CHIC1: variants seen among roughly 807,000 people sequenced by gnomAD.
CHIC1 encodes cysteine-rich hydrophobic domain-containing protein 1.
CHIC1 carries 7 observed loss-of-function variants against 18.5 expected under a neutral mutation model. That is an observed-to-expected ratio of 0.38 (90% CI 0.22 to 0.71). The LOEUF (loss-of-function observed/expected upper bound fraction) is 0.71. Ranked by LOEUF, CHIC1 falls within the 30% of genes least tolerant of loss-of-function variation. The pLI, the probability that CHIC1 is intolerant of heterozygous loss-of-function variation, is 0.49. For missense variants in CHIC1, 159 were observed against 176.9 expected (o/e 0.90, Z 0.57); for synonymous variants, 77 against 73.5 (o/e 1.05, Z -0.25).
intron 3 of CHIC1, among the ~76,000 whole-genome samples, chrX:73,644,829 G>T (rs1167267562): frequency 1.8e-5 from 2 of 111,332 alleles, no homozygotes; most frequent in Non-Finnish European, 3.8e-5. Flanking sequence ...GAAAAGCGCA[G>T]TATTAGGGTG....
At chrX:73,632,526 T>G (rs2057811803) in intron 3 of CHIC1, among the ~76,000 whole-genome samples, 1 of 111,436 alleles carries the variant, frequency 9.0e-6, no homozygotes, top group Non-Finnish European at 1.9e-5. Context: ...CTTCCTCTTT[T>G]GCTGTCCTCC....
At chrX:73,654,010 T>A (rs1294047597) in intron 3 of CHIC1, among the ~76,000 whole-genome samples, 1 of 112,307 alleles carries the variant, frequency 8.9e-6, no homozygotes, top group Non-Finnish European at 1.9e-5. Context: ...AGTTCTTTCT[T>A]CCTTTGTTGC....
intron 3 of CHIC1, among the ~76,000 whole-genome samples, chrX:73,627,137 C>CAAAAA (rs759306668): frequency 3.5e-5 from 2 of 56,979 alleles, no homozygotes; most frequent in African/African-American, 5.8e-5. Flanking sequence ...TAAGTTCTCC[C>CAAAAA]AAAAAAAAAA....
At chrX:73,648,916 A>G (rs1382082166) in intron 3 of CHIC1, among the ~76,000 whole-genome samples, 1 of 111,726 alleles carries the variant, frequency 9.0e-6, no homozygotes, top group Non-Finnish European at 1.9e-5. Context: ...TCCAAGGTCA[A>G]AATGAAGGAA....
At chrX:73,632,213 A>G (rs1055804469) in intron 3 of CHIC1, among the ~76,000 whole-genome samples, 9 of 112,103 alleles carry the variant, frequency 8.0e-5, no homozygotes, top group Non-Finnish European at 1.7e-4. Context: ...TGATAAATTG[A>G]CCACTTTATT....
At chrX:73,594,413 G>T (rs769360846) in intron 3 of CHIC1, among the ~76,000 whole-genome samples, 35 of 111,332 alleles carry the variant, frequency 3.1e-4, no homozygotes, top group African/African-American at 1.1e-3. Context: ...CAGGTGATCC[G>T]CCTGCTTTCT....
intron 3 of CHIC1, among the ~76,000 whole-genome samples, chrX:73,599,637 A>G (rs1482583787): frequency 9.8e-6 from 1 of 102,164 alleles, no homozygotes; most frequent in Non-Finnish European, 1.9e-5. Flanking sequence ...AAGATCAGAT[A>G]GTTGTAGATA....
At position 73,686,798 on chromosome X, in the gene CHIC1, T is replaced by G. The variant is rs1326816068; in HGVS notation, c.*5793T>G. ...TGGTGGAGAAGCCTAGGATTTCAAC[T>G]TTTTGTCAGAGGATTCCTGTTGGGA... On this transcript the variant is annotated 3_prime_UTR_variant, in exon 6 of 6. Coordinates refer to ENST00000373502, the MANE Select transcript of CHIC1 (RefSeq NM_001039840.4). 9.0e-6 allele frequency: 1 copy of G among 111,583 alleles called. No homozygotes were observed. Among genetic ancestry groups the G allele is most frequent in the Non-Finnish European group, 1.9e-5 (1 of 52,931 alleles). 9.2% of individuals were successfully genotyped at this position (111,583 alleles called of 1,213,427 possible). A position where few individuals can be genotyped will look rare whatever the true frequency, so the allele number is the denominator to read the frequency against.
At chrX:73,563,681 TTGAC>T (rs777684999) in intron 1 of CHIC1, 101 bp downstream of exon 1, 45 of 816,538 alleles carry the variant, frequency 5.5e-5, no homozygotes, top group South Asian at 2.0e-4. Flanking sequence ...GGTTGACTGA[TTGAC>T]TGAGGCGTAC....
intron 1 of CHIC1, among the ~76,000 whole-genome samples, chrX:73,575,879 C>T (rs1441761896): frequency 9.0e-6 from 1 of 110,593 alleles, no homozygotes; most frequent in Admixed American, 9.6e-5. Flanking sequence ...TTTAGAAACT[C>T]ATCGACTCTT....
chrX:73,655,631 TAG>T (rs1569504812), intron 3 of CHIC1, among the ~76,000 whole-genome samples: 1 of 30,738 alleles, frequency 3.3e-5, no homozygotes, highest in African/African-American at 1.2e-4. Flanking sequence ...TATATATATA[TAG>T]TGTGTGTGTG....
Position 73,684,310 on chromosome X carries a change from A to T in CHIC1, c.*3305A>T, listed in dbSNP as rs1447224045. The T allele has an allele frequency of 2.7e-5, 3 of 111,525 alleles. No homozygotes were observed. The highest frequency in any genetic ancestry group is 5.7e-5 in the Non-Finnish European group (3 of 52,869). The allele number at this position is 111,525 out of a possible 1,213,427, so 9.2% of individuals were successfully genotyped here. A position where few individuals can be genotyped will look rare whatever the true frequency, so the allele number is the denominator to read the frequency against. On this transcript the variant is annotated 3_prime_UTR_variant, in exon 6 of 6. Coordinates refer to ENST00000373502, the MANE Select transcript of CHIC1 (RefSeq NM_001039840.4). ...ACCCATTTAAGTATTTAATGTACAT[A>T]CTATTCATATTATTATGGCCTGTAA...
chrX:73,573,417 A>C (rs1003221049), intron 1 of CHIC1, among the ~76,000 whole-genome samples: 1 of 111,562 alleles, frequency 9.0e-6, no homozygotes, highest in African/African-American at 3.3e-5. Context: ...TGCTTTGGCT[A>C]TTTAGGTCCT....
rs951764843 is a variant in CHIC1, at chrX:73,667,611, C to T, written c.508-11715C>T. On this transcript the variant is annotated intron_variant, in intron 3 of 5. Transcript: ENST00000373502. ...TTTTATTTCTCTTTTGCTTATGAAG[C>T]TTAGTTTGGCCGGACATGAATTTGG... 3.6e-5 allele frequency among the ~76,000 whole-genome samples: 4 copies of T among 111,396 alleles called. No homozygotes were observed. In the East Asian group the frequency reaches 1.1e-3, roughly 32 times the overall value.
Position 73,676,245 on chromosome X carries a change from A to T in CHIC1, c.508-3081A>T, listed in dbSNP as rs773207177. 4.5e-5 allele frequency among the ~76,000 whole-genome samples: 5 copies of T among 110,965 alleles called. No homozygotes were observed. In the South Asian group the frequency reaches 1.9e-3, roughly 43 times the overall value. On this transcript the variant is annotated intron_variant, in intron 3 of 5. Transcript: ENST00000373502. The stretch of plus-strand genomic sequence containing the variant: ...TCTTCTCGAGGAGTATCTTTGTGGC[A>T]TTCTCTGTATTTCCTGAATTTGAAT...
At chrX:73,616,615 G>A (rs142272508) in intron 3 of CHIC1, among the ~76,000 whole-genome samples, 166 of 112,020 alleles carry the variant, frequency 1.5e-3, no homozygotes, top group African/African-American at 5.1e-3. Context: ...TGAAACCTAG[G>A]TGGAGGTTCC....
intron 3 of CHIC1, among the ~76,000 whole-genome samples, chrX:73,639,390 T>C (rs1289857567): frequency 8.9e-6 from 1 of 112,061 alleles, no homozygotes; most frequent in South Asian, 3.7e-4. Context: ...CTTGGAAATT[T>C]AAGTTCTTTC....
rs2058098972 is a variant in CHIC1 at position 73,681,394 on chromosome X, T to G, written c.*389T>G. 1 of 122,436 alleles carries G rather than the reference T, an allele frequency of 8.2e-6. No individual in the cohort carries two copies. The highest frequency in any genetic ancestry group is 2.5e-4 in the East Asian group (1 of 3,976). 10.1% of individuals were successfully genotyped at this position (122,436 alleles called of 1,213,427 possible). ...AGGCTACTTGATGCTCTGTAATCCC[T>G]TACTGGACAAACTTAAATAAGCTTT... On this transcript the variant is annotated 3_prime_UTR_variant, in exon 6 of 6. Transcript: ENST00000373502.
chrX:73,660,635 G>T (rs953300875), intron 3 of CHIC1, among the ~76,000 whole-genome samples: 5 of 111,379 alleles, frequency 4.5e-5, no homozygotes, highest in Non-Finnish European at 9.4e-5. Flanking sequence ...AATGTCCAGG[G>T]CTTGTGTCGT....
Sources: gnomAD v4.1 joint callset for allele counts (sites outside exome capture counted in the v4.1 genomes callset) on GRCh38, gnomAD v4.1.1 for gene constraint, MANE v1.5 for transcripts, NCBI Gene and HGNC (gene_info 2026-07-23, HGNC 2026-07-21) for gene names.